The following ZNF251 variants were observed in gnomAD, a reference collection of about 807,000 sequenced individuals.
The protein encoded by ZNF251 is zinc finger protein 251.
ZNF251 carries 14 observed loss-of-function variants against 13.5 expected under a neutral mutation model. The observed-to-expected ratio is 1.04, with a 90% CI of 0.69 to 1.63. The LOEUF (loss-of-function observed/expected upper bound fraction) is 1.63. Among genes scored for constraint, ZNF251 ranks in the 40% most tolerant of loss-of-function variants. The pLI is 0.00. For synonymous variants in ZNF251, 287 were observed against 295.2 expected (o/e 0.97, Z 0.28); for missense variants, 764 against 834.9 (o/e 0.92, Z 1.05).
chr8:144,722,311 T>C lies in ZNF251; in HGVS notation c.1349A>G (p.Gln450Arg). 4 of 1,613,512 alleles carry C rather than the reference T, an allele frequency of 2.5e-6. No homozygotes were observed. The highest frequency in any genetic ancestry group is 3.4e-6 in the Non-Finnish European group (4 of 1,179,554). The part of the protein sequence containing the change: ...KAFRRSSTLV[Q>R]HRRVHTGEKP... ...CTCCCCAGTGTGAACTCTTCGATGC[T>C]GAACAAGAGTGGAACTCCGACGAAA... The change falls in exon 5 of 5, where the codon CAG (glutamine) becomes CGG (arginine). Residue 450 changes from glutamine to arginine, a missense_variant. Gln to Arg is a conservative substitution (Grantham distance 43). Transcript: ENST00000292562. The surrounding 1 kb of genome is among the most constrained non-coding windows in gnomAD (Gnocchi z 4.8).
In ZNF251 at chr8:144,722,570, G is replaced by A; in HGVS notation, c.1090C>T (p.Leu364Phe). The part of the protein sequence containing the change: ...CGKAFSRSSS[L>F]IQHERIHTGE... ...GTGTGAATTCTCTCATGCTGAATAA[G>A]GCTGGAGCTTCGACTGAAGGCCTTC... is the stretch of plus-strand genomic sequence containing the variant. Residue 364 changes from leucine to phenylalanine, a missense_variant, in exon 5 of 5, where the codon CTT becomes TTT. By Grantham distance (22) the Leu-to-Phe change is conservative. Coordinates refer to ENST00000292562, the MANE Select transcript of ZNF251 (RefSeq NM_138367.2). The surrounding 1 kb of genome is among the most constrained non-coding windows in gnomAD (Gnocchi z 4.8). The A allele has an allele frequency of 1.2e-6, 2 of 1,614,064 alleles. No individual in the cohort carries two copies. Among genetic ancestry groups the A allele is most frequent in the Non-Finnish European group, 1.7e-6 (2 of 1,180,020 alleles).
rs547619748 is a variant in ZNF251 at position 144,732,537 on chromosome 8, G to A, written c.278-9155C>T. Among the ~76,000 whole-genome samples, 15 of 152,312 alleles carry A rather than the reference G, an allele frequency of 9.8e-5. 1 individual carries two copies. The South Asian group carries it at 2.7e-3, about 27-fold the overall frequency. ...ATTACATTAGACTGAGCCAAGCCGGGCGCGGTGGCTCACGCCTGTAATCCC... is the reference window on the plus strand; with the variant it reads ...ATTACATTAGACTGAGCCAAGCCGGACGCGGTGGCTCACGCCTGTAATCCC... On this transcript the variant is annotated intron_variant, in intron 4 of 4. Coordinates refer to ENST00000292562, the MANE Select transcript of ZNF251 (RefSeq NM_138367.2).
intron 4 of ZNF251, among the ~76,000 whole-genome samples, chr8:144,751,576 A>G (rs1824694580): frequency 6.6e-6 from 1 of 152,218 alleles, no homozygotes; most frequent in Non-Finnish European, 1.5e-5. Context: ...TTATGTAAAA[A>G]GCAAATAATA....
At chr8:144,741,213 G>A (rs915503156) in intron 4 of ZNF251, among the ~76,000 whole-genome samples, 3 of 152,220 alleles carry the variant, frequency 2.0e-5, no homozygotes, top group African/African-American at 4.8e-5. Flanking sequence ...CAATACTGAC[G>A]ATGGCAGAGC....
rs371055761 is a variant in ZNF251, at chr8:144,721,683, A to C, written c.1977T>G (p.Phe659Leu). The C allele has an allele frequency of 2.6e-5, 35 of 1,350,384 alleles. No individual in the cohort carries two copies. Among genetic ancestry groups the C allele is most frequent in the East Asian group, 2.6e-4 (10 of 38,698 alleles). 83.7% of individuals were successfully genotyped at this position (1,350,384 alleles called of 1,614,324 possible). ...CTTGGAAAATCTTCTTGATATGAAT[A>C]AAGTATCTTTTAGAGCCATCATTTA... Reference protein sequence around the residue: ...PALNDGSKRYFIHIKKIFQER... With the variant: ...PALNDGSKRYLIHIKKIFQER... Residue 659 changes from phenylalanine to leucine, a missense_variant, in exon 5 of 5, where the codon TTT becomes TTG. By Grantham distance (22) the Phe-to-Leu change is conservative (BLOSUM62 0). Coordinates refer to ENST00000292562, the MANE Select transcript of ZNF251 (RefSeq NM_138367.2).
Position 144,722,608 on chromosome 8 carries a change from C to T in ZNF251, c.1052G>A (p.Cys351Tyr). ...ACTGAAGGCCTTCCCACAGTGACTGCATTCATGCGGCTTCTCTCCAGTGTG... is the reference window on the plus strand; with the variant it reads ...ACTGAAGGCCTTCCCACAGTGACTGTATTCATGCGGCTTCTCTCCAGTGTG... Reference protein sequence around the residue: ...RIHTGEKPHECSHCGKAFSRS... With the variant: ...RIHTGEKPHEYSHCGKAFSRS... Residue 351 changes from cysteine (C) to tyrosine (Y), a missense_variant, in exon 5 of 5, where the codon TGC (cysteine) becomes TAC (tyrosine). By Grantham distance (194) the Cys-to-Tyr change is radical (BLOSUM62 -2). Coordinates refer to ENST00000292562, the MANE Select transcript of ZNF251 (RefSeq NM_138367.2). The surrounding 1 kb of genome is among the most constrained non-coding windows in gnomAD (Gnocchi z 4.8). 6.2e-7 allele frequency: 1 copy of T among 1,614,178 alleles called. No homozygotes were observed. The highest frequency in any genetic ancestry group is 8.5e-7 in the Non-Finnish European group (1 of 1,180,030).
Position 144,754,335 on chromosome 8 carries a change from T to C in ZNF251, c.34-14A>G. The C allele has an allele frequency of 5.0e-6, 8 of 1,592,170 alleles. No individual in the cohort carries two copies. The highest frequency in any genetic ancestry group is 6.0e-6 in the Non-Finnish European group (7 of 1,169,384). ...CAGCGGCATCTCCTGCAACAAAACA[T>C]CGCCGCTGCCCAGGCCATGCCCACG... On this transcript the variant is annotated splice_polypyrimidine_tract_variant and intron_variant, in intron 2 of 4. Coordinates refer to ENST00000292562, the MANE Select transcript of ZNF251 (RefSeq NM_138367.2).
chr8:144,753,911 G>A (rs1287543550), intron 3 of ZNF251, 115 bp from the exon 4 acceptor site: 1 of 832,432 alleles, frequency 1.2e-6, no homozygotes, highest in Non-Finnish European at 1.8e-6. Context: ...GTTGGTCAGG[G>A]GGCCCGTGGG....
At chr8:144,727,680 T>A (rs774802179) in intron 4 of ZNF251, among the ~76,000 whole-genome samples, 6 of 152,246 alleles carry the variant, frequency 3.9e-5, no homozygotes, top group Non-Finnish European at 8.8e-5. Context: ...ATGTGTCTGG[T>A]TTGATCTTCT....
At chr8:144,735,774 G>A (rs1234920385) in intron 4 of ZNF251, among the ~76,000 whole-genome samples, 2 of 152,194 alleles carry the variant, frequency 1.3e-5, no homozygotes, top group African/African-American at 2.4e-5. Flanking sequence ...GACAGCAAGA[G>A]GGGTCTGTTG....
intron 4 of ZNF251, among the ~76,000 whole-genome samples, chr8:144,733,223 C>T (rs1335290062): frequency 6.6e-6 from 1 of 152,012 alleles, no homozygotes; most frequent in Non-Finnish European, 1.5e-5. Context: ...CGTCTCAAAA[C>T]AAAACAAAAC....
intron 4 of ZNF251, among the ~76,000 whole-genome samples, chr8:144,735,542 A>G (rs1025187163): frequency 6.6e-6 from 1 of 152,122 alleles, no homozygotes. Flanking sequence ...CATCCCCCAC[A>G]TCTGTCCCTC....
chr8:144,723,114 C>A lies in ZNF251; in HGVS notation c.546G>T (p.Glu182Asp). ...RERSLGERTQ[E>D]CSAFDRNLNL... is the part of the protein sequence containing the mutation. Reference sequence around the variant, plus strand: ...TCAAGTTTCTATCAAATGCACTACACTCTTGGGTTCTTTCTCCCAAAGATC... The same window carrying A: ...TCAAGTTTCTATCAAATGCACTACAATCTTGGGTTCTTTCTCCCAAAGATC... The change falls in exon 5 of 5, where the codon GAG (glutamate) becomes GAT (aspartate). Residue 182 changes from glutamate (E) to aspartate (D), a missense_variant. By Grantham distance (45) the Glu-to-Asp change is conservative. Transcript: ENST00000292562. 1 of 1,613,900 alleles carries A rather than the reference C, an allele frequency of 6.2e-7. No homozygotes were observed. Among genetic ancestry groups the A allele is most frequent in the Non-Finnish European group, 8.5e-7 (1 of 1,179,834 alleles).
chr8:144,737,125 G>A (rs191782451), intron 4 of ZNF251, among the ~76,000 whole-genome samples: 1 of 151,488 alleles, frequency 6.6e-6, no homozygotes, highest in Non-Finnish European at 1.5e-5. Context: ...GCTTAAGACA[G>A]TCTTGCTCTG....
intron 4 of ZNF251, among the ~76,000 whole-genome samples, chr8:144,752,743 AC>A (rs1185989623): frequency 1.3e-5 from 2 of 152,226 alleles, no homozygotes; most frequent in Admixed American, 6.5e-5. Flanking sequence ...ATTATTAATA[AC>A]ATACTTAACT....
chr8:144,730,593 C>T (rs1348196604), intron 4 of ZNF251, among the ~76,000 whole-genome samples: 2 of 151,952 alleles, frequency 1.3e-5, no homozygotes, highest in African/African-American at 4.8e-5. Flanking sequence ...GACGCTGCGA[C>T]GGGGCGTCCC....
chr8:144,740,069 T>C (rs1358410784), intron 4 of ZNF251, among the ~76,000 whole-genome samples: 2 of 152,030 alleles, frequency 1.3e-5, no homozygotes, highest in Non-Finnish European at 1.5e-5. Context: ...GCAGATCACC[T>C]GAGGTCCGGA....
rs2130130914 is a variant in ZNF251 at position 144,755,422 on chromosome 8, G to A, written c.-93C>T. 4 of 1,288,058 alleles carry A rather than the reference G, an allele frequency of 3.1e-6. No homozygotes were observed. The highest frequency in any genetic ancestry group is 5.6e-5 in the East Asian group (1 of 18,018). The allele number at this position is 1,288,058 out of a possible 1,614,324, so 79.8% of individuals were successfully genotyped here. A position where few individuals can be genotyped will look rare whatever the true frequency, so the allele number is the denominator to read the frequency against. ...TGCCCCACCTGTTTGCTCGACCCGGGGAAGCCACCGAGGAAGCGCCGAGGA... is the reference window on the plus strand; with the variant it reads ...TGCCCCACCTGTTTGCTCGACCCGGAGAAGCCACCGAGGAAGCGCCGAGGA... On this transcript the variant is annotated 5_prime_UTR_variant, in exon 1 of 5. Coordinates refer to ENST00000292562, the MANE Select transcript of ZNF251 (RefSeq NM_138367.2).
chr8:144,743,283 C>G (rs568933742), intron 4 of ZNF251, among the ~76,000 whole-genome samples: 1 of 152,256 alleles, frequency 6.6e-6, no homozygotes, highest in Non-Finnish European at 1.5e-5. Flanking sequence ...AGGCTCGTCT[C>G]GAACTGCTGA....
Sources: gnomAD v4.1 joint callset for allele counts (sites outside exome capture counted in the v4.1 genomes callset) on GRCh38, gnomAD v4.1.1 for gene constraint, Gnocchi (gnomAD v3.1) non-coding constraint, MANE v1.5 for transcripts, NCBI Gene and HGNC (gene_info 2026-07-23, HGNC 2026-07-21) for gene names.